Variants in KIF16B observed in about 807,000 individuals in gnomAD.
KIF16B encodes the protein kinesin family member 16B, also known as kinesin-like protein KIF16B.
In KIF16B, 98 loss-of-function variants were observed where a neutral mutation model predicts 156.3. That is an observed-to-expected ratio of 0.63 (90% CI 0.53 to 0.74). The LOEUF (loss-of-function observed/expected upper bound fraction) is 0.74. KIF16B is among the 30% of genes least tolerant of loss of function. KIF16B has a pLI of 0.00. For missense variants in KIF16B, 1,421 were observed against 1,606.5 expected (o/e 0.88, Z 1.97); for synonymous variants, 564 against 583.7 (o/e 0.97, Z 0.49).
At chr20:16,274,756 C>T (rs1168550368) in intron 25 of KIF16B, among the ~76,000 whole-genome samples, 1 of 152,204 alleles carries the variant, frequency 6.6e-6, no homozygotes, top group African/African-American at 2.4e-5. Flanking sequence ...ACAGGCAGTG[C>T]ACCTGGTGGA....
At chr20:16,466,628 C>T (rs1303953403) in intron 12 of KIF16B, among the ~76,000 whole-genome samples, 1 of 152,190 alleles carries the variant, frequency 6.6e-6, no homozygotes, top group Non-Finnish European at 1.5e-5. Context: ...ATTGTGAGGC[C>T]TCCCCAGCCA....
At chr20:16,335,788 G>C in intron 24 of KIF16B, 138 bp downstream of exon 24, 1 of 502,762 alleles carries the variant, frequency 2.0e-6, no homozygotes, top group Non-Finnish European at 3.5e-6. Flanking sequence ...ATGGGTTATT[G>C]AAGTAAGACT....
intron 1 of KIF16B, among the ~76,000 whole-genome samples, chr20:16,544,854 G>GATGA (rs145984561): frequency 0.09 from 13,604 of 151,926 alleles, 744 homozygotes; most frequent in East Asian, 0.31. Context: ...GCAAACACTT[G>GATGA]ATGAATGAAT....
At chr20:16,298,823 C>T (rs6080214) in intron 25 of KIF16B, among the ~76,000 whole-genome samples, 23,527 of 151,586 alleles carry the variant, frequency 0.16, 1,953 homozygotes, top group Non-Finnish European at 0.17. Flanking sequence ...AACAATGCCA[C>T]GGAGTTGCAC....
At chr20:16,304,441 A>T (rs2063513828) in intron 25 of KIF16B, among the ~76,000 whole-genome samples, 1 of 152,218 alleles carries the variant, frequency 6.6e-6, no homozygotes, top group Non-Finnish European at 1.5e-5. Flanking sequence ...ACTCCAGTTC[A>T]GTTTCCTTGA....
chr20:16,384,265 C>T lies in KIF16B; in HGVS notation c.1785-2518G>A, dbSNP rs530908755. Among the ~76,000 whole-genome samples the T allele has an allele frequency of 5.9e-5, 9 of 152,298 alleles. No homozygotes were observed. The South Asian group carries it at 1.9e-3, about 32-fold the overall frequency. On this transcript the variant is annotated intron_variant, in intron 17 of 25. Coordinates refer to ENST00000354981, the MANE Select transcript of KIF16B (RefSeq NM_024704.5). ...CAACAGTCTGTAAGAGAGATGTGGT[C>T]CCTGTCCCCACCAGGCTCCCGGTCT...
At chr20:16,358,901 T>C (rs894200557) in intron 22 of KIF16B, among the ~76,000 whole-genome samples, 2 of 152,252 alleles carry the variant, frequency 1.3e-5, no homozygotes, top group Non-Finnish European at 2.9e-5. Context: ...GAAACATTGC[T>C]ATTTTACTGG....
At chr20:16,424,882 A>G (rs1298074829) in intron 15 of KIF16B, among the ~76,000 whole-genome samples, 3 of 152,148 alleles carry the variant, frequency 2.0e-5, no homozygotes, top group African/African-American at 7.2e-5. Context: ...TGAGAAAACT[A>G]CAATTAACCC....
chr20:16,402,568 T>C (rs970332516), intron 17 of KIF16B, among the ~76,000 whole-genome samples: 20 of 152,206 alleles, frequency 1.3e-4, no homozygotes, highest in South Asian at 6.2e-4. Flanking sequence ...ACAGCAGAGT[T>C]TGTCTGTACT....
intron 25 of KIF16B, among the ~76,000 whole-genome samples, chr20:16,300,446 C>T (rs1248379136): frequency 6.6e-6 from 1 of 152,074 alleles, no homozygotes; most frequent in Non-Finnish European, 1.5e-5. Context: ...TCAAATCTAC[C>T]CATCTGTCCA....
chr20:16,497,581 G>T (rs749939152), intron 11 of KIF16B, 32 bp downstream of exon 11: 6 of 1,519,806 alleles, frequency 3.9e-6, no homozygotes, highest in Non-Finnish European at 5.5e-6. Flanking sequence ...TAAAAGTTAT[G>T]ATTTAAAAAT....
chr20:16,479,289 A>T (rs1158429964), intron 12 of KIF16B, among the ~76,000 whole-genome samples: 1 of 152,144 alleles, frequency 6.6e-6, no homozygotes, highest in Non-Finnish European at 1.5e-5. Flanking sequence ...CTCACTTACA[A>T]GTGGGAGTTG....
rs566615710 is a variant in KIF16B, at chr20:16,468,497, A to C, written c.1302+25794T>G. 3.8e-4 allele frequency among the ~76,000 whole-genome samples: 56 copies of C among 145,924 alleles called. No individual in the cohort carries two copies. The South Asian group carries it at 0.011, about 30-fold the overall frequency. ...AGGCTGAGGTAGGAGAATTGCTGGA[A>C]CCCTGGGGGAGGAGATTGCAGTGAG... On this transcript the variant is annotated intron_variant, in intron 12 of 25. Transcript: ENST00000354981.
rs1383499205 is a variant in KIF16B at position 16,391,384 on chromosome 20, T to TCAACATGCC, written c.1785-9646_1785-9638dup. Among the ~76,000 whole-genome samples, 6 of 152,166 alleles carry TCAACATGCC rather than the reference T, an allele frequency of 3.9e-5. No individual in the cohort carries two copies. In the East Asian group the frequency reaches 9.7e-4, roughly 24 times the overall value. On this transcript the variant is annotated intron_variant, in intron 17 of 25. Transcript: ENST00000354981. ...GTTCACTCGCCCATAATTCACCTGG[T>TCAACATGCC]CAACATGCCAGGCACTATCCTAGGC... is the stretch of plus-strand genomic sequence containing the variant.
chr20:16,312,305 C>A (rs755887768), intron 25 of KIF16B, 30 bp downstream of exon 25: 2 of 1,517,888 alleles, frequency 1.3e-6, no homozygotes, highest in East Asian at 4.5e-5. Flanking sequence ...TTTCTACATA[C>A]ACAGAGGAAA....
chr20:16,375,714 G>A (rs1420595097), intron 19 of KIF16B, among the ~76,000 whole-genome samples: 5 of 151,484 alleles, frequency 3.3e-5, no homozygotes, highest in Non-Finnish European at 5.9e-5. Context: ...GCTGGATGTA[G>A]GCAGGCAATT....
intron 20 of KIF16B, 71 bp from the exon 21 acceptor site, chr20:16,371,832 A>G: frequency 9.7e-7 from 1 of 1,036,228 alleles, no homozygotes; most frequent in Non-Finnish European, 1.5e-6. Flanking sequence ...TCCTCTCTTT[A>G]CTACGCCCTT....
intron 25 of KIF16B, among the ~76,000 whole-genome samples, chr20:16,274,171 G>A (rs180814794): frequency 6.6e-6 from 1 of 151,724 alleles, no homozygotes; most frequent in Non-Finnish European, 1.5e-5. Context: ...TATCTGTTTT[G>A]AATCCTTCTT....
Position 16,389,197 on chromosome 20 carries a change from G to A in KIF16B, c.1785-7450C>T, listed in dbSNP as rs116045894. 3.7e-3 allele frequency among the ~76,000 whole-genome samples: 560 copies of A among 152,164 alleles called. 2 individuals are homozygous for A. Among genetic ancestry groups the A allele is most frequent in the African/African-American group, 0.013 (529 of 41,512 alleles). On this transcript the variant is annotated intron_variant, in intron 17 of 25. Coordinates refer to ENST00000354981, the MANE Select transcript of KIF16B (RefSeq NM_024704.5). ...ACTTTTAGGCTACTGTCAAATATAG[G>A]GATTACTTCATGGGCATGTGACCCA... is the stretch of plus-strand genomic sequence containing the variant.
Sources: allele counts gnomAD v4.1 joint callset (sites outside exome capture counted in the v4.1 genomes callset), GRCh38; gene constraint gnomAD v4.1.1; transcripts MANE v1.5; gene names NCBI Gene and HGNC (gene_info 2026-07-23, HGNC 2026-07-21).